PLCD3: variants seen among roughly 807,000 people sequenced by gnomAD.
The protein encoded by PLCD3 is 1-phosphatidylinositol 4,5-bisphosphate phosphodiesterase delta-3.
Under a neutral mutation model 82.8 loss-of-function variants are expected in PLCD3, and 62 were observed. The ratio of observed to expected loss-of-function variants is 0.75; its 90% CI spans 0.61 to 0.93. The LOEUF is 0.93. PLCD3 is among the 40% of genes least tolerant of loss of function. PLCD3 has a pLI of 0.00. For missense variants in PLCD3, 1,023 were observed against 1,103.4 expected (o/e 0.93, Z 1.03); for synonymous variants, 478 against 471.8 (o/e 1.01, Z -0.17).
At position 45,113,023 on chromosome 17, in the gene PLCD3, G is replaced by A. The variant is rs2054259203; in HGVS notation, c.2132-11C>T. Reference sequence around the variant, plus strand: ...AGCGGGGGTTGAAGCCTAGGGCACAGGGATGGCAGTCAGAGCCCAGGGGCC... The same window carrying A: ...AGCGGGGGTTGAAGCCTAGGGCACAAGGATGGCAGTCAGAGCCCAGGGGCC... On this transcript the variant is annotated splice_polypyrimidine_tract_variant and intron_variant, in intron 13 of 14. Transcript: ENST00000619929. 3 of 1,602,372 alleles carry A rather than the reference G, an allele frequency of 1.9e-6. No homozygotes were observed. Among genetic ancestry groups the A allele is most frequent in the East Asian group, 2.2e-5 (1 of 44,764 alleles).
At chr17:45,120,608 T>C (rs1186803729) in intron 3 of PLCD3, among the ~76,000 whole-genome samples, 154 bp from the exon 4 acceptor site, 1 of 152,166 alleles carries the variant, frequency 6.6e-6, no homozygotes, top group African/African-American at 2.4e-5. Flanking sequence ...ACGGTAGCAG[T>C]GTCTCCTCCG....
chr17:45,126,653 T>C (rs1239715717), intron 1 of PLCD3, among the ~76,000 whole-genome samples: 2 of 151,628 alleles, frequency 1.3e-5, no homozygotes, highest in East Asian at 1.9e-4. Context: ...TGGAAACCAT[T>C]GTATACTTTT....
At chr17:45,130,029 A>G (rs1285336414) in intron 1 of PLCD3, among the ~76,000 whole-genome samples, 2 of 152,270 alleles carry the variant, frequency 1.3e-5, no homozygotes, top group East Asian at 3.9e-4. Flanking sequence ...TTGGCCTCTG[A>G]TGGCCCAAGG....
In PLCD3 at chr17:45,121,004, T is replaced by G. The variant is rs1406723937; in HGVS notation, c.452A>C (p.Asp151Ala). The change falls in exon 3 of 15, where the codon GAC (aspartate) becomes GCC (alanine). Residue 151 changes from aspartate (D) to alanine (A), a missense_variant. By Grantham distance (126) the Asp-to-Ala change is moderately radical. Coordinates refer to ENST00000619929, the MANE Select transcript of PLCD3 (RefSeq NM_133373.5). ...TTCCTCAGCCGTGGGCGCCGCCAGG[T>G]CCAGGTTCTTGCGGCGGCCCTTGAA... The part of the protein sequence containing the change: ...IAFKGRRKNL[D>A]LAAPTAEEAQ... The G allele has an allele frequency of 1.3e-6, 2 of 1,539,592 alleles. No individual in the cohort carries two copies. The highest frequency in any genetic ancestry group is 1.7e-6 in the Non-Finnish European group (2 of 1,150,240).
At chr17:45,129,318 G>A (rs1882772191) in intron 1 of PLCD3, 1 of 152,268 alleles carries the variant, frequency 6.6e-6, no homozygotes, top group Non-Finnish European at 1.5e-5. Context: ...TTAGCTGGAT[G>A]TGGTGGTACC....
rs1390124885 is a variant in PLCD3, at chr17:45,114,317, C to T, written c.1761G>A (p.Pro587=). 4.5e-6 allele frequency: 7 copies of T among 1,549,210 alleles called. No individual in the cohort carries two copies. Among genetic ancestry groups the T allele is most frequent in the Admixed American group, 2.0e-5 (1 of 50,524 alleles). Reference sequence around the variant, plus strand: ...TGGCTGAGTTCATCCGCAGCCCCAGCGGGTACACGCGGGTCAGCTGGCGGG... The same window carrying T: ...TGGCTGAGTTCATCCGCAGCCCCAGTGGGTACACGCGGGTCAGCTGGCGGG... ...HNARQLTRVY[P]LGLRMNSANY... is the part of the protein sequence containing the mutation. Residue 587 remains proline, a synonymous_variant, in exon 11 of 15, where the codon CCG becomes CCA. Transcript: ENST00000619929.
intron 1 of PLCD3, among the ~76,000 whole-genome samples, chr17:45,129,030 ATC>A (rs1171517302): frequency 6.6e-6 from 1 of 152,116 alleles, no homozygotes; most frequent in Admixed American, 6.5e-5. Context: ...AAGTTACCAA[ATC>A]TCTCTGAGTC....
In PLCD3 at chr17:45,130,526, C is replaced by T. The variant is rs116579597; in HGVS notation, c.163+1722G>A. ...CAGGGCTGACTCCCAGGGCTGCCCT[C>T]AGCCATCCCCAAACCACACCATTTC... On this transcript the variant is annotated intron_variant, in intron 1 of 14. Coordinates refer to ENST00000619929, the MANE Select transcript of PLCD3 (RefSeq NM_133373.5). Among the ~76,000 whole-genome samples the T allele has an allele frequency of 8.1e-3, 1,238 of 152,312 alleles. 13 individuals are homozygous for T. Among genetic ancestry groups the T allele is most frequent in the African/African-American group, 0.028 (1,168 of 41,552 alleles).
chr17:45,118,937 G>C lies in PLCD3; in HGVS notation c.791C>G (p.Ser264Trp), dbSNP rs775738774. ...GGCACTCAGCACGCGGTCCTCGCCC[G>C]AGTACTGATGGAAGATCTCCTCCAG... ...PELEEIFHQYSGEDRVLSAPE... is the reference protein window; with the variant it reads ...PELEEIFHQYWGEDRVLSAPE... Residue 264 changes from serine to tryptophan, a missense_variant, in exon 5 of 15, where the codon TCG becomes TGG. Transcript: ENST00000619929. This position sits in a 1 kb window ranked among gnomAD's most constrained non-coding sequence, Gnocchi z 4.1. 6.2e-7 allele frequency: 1 copy of C among 1,612,504 alleles called. No individual in the cohort carries two copies. The highest frequency in any genetic ancestry group is 1.7e-5 in the Admixed American group (1 of 59,926).
intron 1 of PLCD3, among the ~76,000 whole-genome samples, chr17:45,125,328 G>C (rs1399482092): frequency 1.3e-5 from 2 of 151,924 alleles, no homozygotes; most frequent in Non-Finnish European, 2.9e-5. Flanking sequence ...GCTGGGCATG[G>C]TGGCTCACAC....
chr17:45,112,652 G>A lies in PLCD3; in HGVS notation c.2334C>T (p.Ala778=). Residue 778 remains alanine, a synonymous_variant, in exon 15 of 15, where the codon GCC becomes GCT. Transcript: ENST00000619929. ...LSKDGASLSP[A]TLFIQIRIQR... is the part of the protein sequence containing the mutation. ...GGATGCGGATTTGGATGAAGAGCGT[G>A]GCTGGTGACAGTGAGGCCCCGTCCT... 1 of 1,607,360 alleles carries A rather than the reference G, an allele frequency of 6.2e-7. No individual in the cohort carries two copies. Among genetic ancestry groups the A allele is most frequent in the Non-Finnish European group, 8.5e-7 (1 of 1,177,260 alleles).
intron 1 of PLCD3, among the ~76,000 whole-genome samples, chr17:45,125,588 T>G (rs1016052474): frequency 6.6e-6 from 1 of 152,124 alleles, no homozygotes; most frequent in African/African-American, 2.4e-5. Context: ...ATGGCGAGAC[T>G]CCGTCTCAAA....
At chr17:45,119,187 C>T in intron 4 of PLCD3, 144 bp from the exon 5 acceptor site, 1 of 645,050 alleles carries the variant, frequency 1.6e-6, no homozygotes, top group Non-Finnish European at 2.7e-6. Context: ...GTGACTCTAG[C>T]TCACACAGCT....
chr17:45,121,048 CGCTGGCGCGAAGGCACCCCCG>C lies in PLCD3; in HGVS notation c.387_407del (p.Phe129_Ala136delinsLeu). ...CCTTGAAGGCGATGGTGAGGCAGCGCGCTGGCGCGAAGGCACCCCCGAAGCGCCGCAGGCCCTCGGACTGGT... is the reference window on the plus strand; with the variant it reads ...CCTTGAAGGCGATGGTGAGGCAGCGCAAGCGCCGCAGGCCCTCGGACTGGT... On this transcript the variant is annotated inframe_deletion, in exon 3 of 15. Coordinates refer to ENST00000619929, the MANE Select transcript of PLCD3 (RefSeq NM_133373.5). 6.5e-7 allele frequency: 1 copy of C among 1,539,828 alleles called. No individual in the cohort carries two copies. The highest frequency in any genetic ancestry group is 1.2e-5 in the South Asian group (1 of 83,886).
rs1363810140 is a variant in PLCD3, at chr17:45,118,791, A to C, written c.913+24T>G. On this transcript the variant is annotated intron_variant, in intron 5 of 14. Coordinates refer to ENST00000619929, the MANE Select transcript of PLCD3 (RefSeq NM_133373.5). This position sits in a 1 kb window ranked among gnomAD's most constrained non-coding sequence, Gnocchi z 4.1. ...GAACACAGCCCTTTCAGGTGCCACG[A>C]CCTGGCCGTGCCACCCCCCCCACCT... 1.9e-6 allele frequency: 3 copies of C among 1,586,778 alleles called. No individual in the cohort carries two copies. Among genetic ancestry groups the C allele is most frequent in the Non-Finnish European group, 2.6e-6 (3 of 1,164,240 alleles).
chr17:45,120,768 G>A (rs1430186086), intron 3 of PLCD3, 134 bp downstream of exon 3: 4 of 1,141,820 alleles, frequency 3.5e-6, no homozygotes, highest in Non-Finnish European at 2.4e-6. Context: ...GAAGACCAAG[G>A]GCTCCGACCC....
intron 10 of PLCD3, 148 bp downstream of exon 10, chr17:45,114,946 C>T (rs988338420): frequency 4.2e-6 from 5 of 1,194,492 alleles, no homozygotes; most frequent in African/African-American, 1.5e-5. Context: ...CTGGCATGTG[C>T]GGGGCCCTCA....
Position 45,111,077 on chromosome 17 carries a change from A to G in PLCD3, c.*1539T>C, listed in dbSNP as rs183106500. ...CGGCACTGTTGGCTGGCAGAACCTA[A>G]AACACCAGGCCTCCACATTTCACCC... is the stretch of plus-strand genomic sequence containing the variant. On this transcript the variant is annotated 3_prime_UTR_variant, in exon 15 of 15. Transcript: ENST00000619929. 1 of 152,344 alleles carries G rather than the reference A, an allele frequency of 6.6e-6. No individual in the cohort carries two copies. Among genetic ancestry groups the G allele is most frequent in the East Asian group, 1.9e-4 (1 of 5,180 alleles). The allele number at this position is 152,344 out of a possible 1,614,324, so 9.4% of individuals were successfully genotyped here. A position where few individuals can be genotyped will look rare whatever the true frequency, so the allele number is the denominator to read the frequency against.
In PLCD3 at chr17:45,118,052, AG is replaced by A; in HGVS notation, c.1201del (p.Leu401SerfsTer55). The A allele has an allele frequency of 1.2e-6, 2 of 1,613,734 alleles. No homozygotes were observed. Among genetic ancestry groups the A allele is most frequent in the Non-Finnish European group, 1.7e-6 (2 of 1,179,806 alleles). On this transcript the variant is annotated frameshift_variant, in exon 7 of 15. Transcript: ENST00000619929. LOFTEE classifies it high-confidence loss of function. This position sits in a 1 kb window ranked among gnomAD's most constrained non-coding sequence, Gnocchi z 4.1. ...GEPVIYHGHT[L>X]TSKILFRDVV... ...GTCCCGGAAGAGAATCTTGGAGGTGAGGGTATGGCCATGATAGATGACGGGC... is the reference window on the plus strand; with the variant it reads ...GTCCCGGAAGAGAATCTTGGAGGTGAGGTATGGCCATGATAGATGACGGGC...
Sources: gnomAD v4.1 joint callset for allele counts (sites outside exome capture counted in the v4.1 genomes callset) on GRCh38, gnomAD v4.1.1 for gene constraint, Gnocchi (gnomAD v3.1) non-coding constraint, MANE v1.5 for transcripts, NCBI Gene and HGNC (gene_info 2026-07-23, HGNC 2026-07-21) for gene names.